SDC2: variants seen among roughly 807,000 people sequenced by gnomAD.
The protein encoded by SDC2 is syndecan 2, also known as syndecan-2.
In SDC2, 13 loss-of-function variants were observed where a neutral mutation model predicts 22.2. The ratio of observed to expected loss-of-function variants is 0.59; its 90% CI spans 0.38 to 0.93. The LOEUF is 0.93. Ranked by LOEUF, SDC2 falls within the 40% of genes least tolerant of loss-of-function variation. The pLI is 0.00. For missense variants in SDC2, 235 were observed against 246.8 expected, an observed-to-expected ratio of 0.95 and a Z score of 0.32; for synonymous variants, 94 against 92.8, an observed-to-expected ratio of 1.01 and a Z score of -0.07.
intron 1 of SDC2, among the ~76,000 whole-genome samples, chr8:96,540,637 C>T (rs1813833554): frequency 6.6e-6 from 1 of 152,152 alleles, no homozygotes. Flanking sequence ...CTCCTTTCCC[C>T]CAACACTCCT....
chr8:96,524,541 GA>G (rs756356588), intron 1 of SDC2, among the ~76,000 whole-genome samples: 1 of 152,148 alleles, frequency 6.6e-6, no homozygotes. Context: ...TCAGAAGGGG[GA>G]GTTATGACTT....
At chr8:96,536,950 A>G (rs1813764229) in intron 1 of SDC2, among the ~76,000 whole-genome samples, 1 of 152,226 alleles carries the variant, frequency 6.6e-6, no homozygotes, top group Non-Finnish European at 1.5e-5. Context: ...GAGGAGTTTT[A>G]CATCTGAATC....
intron 1 of SDC2, among the ~76,000 whole-genome samples, chr8:96,521,402 C>T (rs1055324525): frequency 6.6e-6 from 1 of 152,128 alleles, no homozygotes; most frequent in Non-Finnish European, 1.5e-5. Flanking sequence ...AGGGAAAGCT[C>T]GGATCTAGGG....
intron 1 of SDC2, among the ~76,000 whole-genome samples, chr8:96,579,661 A>G (rs1003869004): frequency 1.3e-5 from 2 of 152,220 alleles, no homozygotes; most frequent in African/African-American, 4.8e-5. Flanking sequence ...GTTTTCCTCA[A>G]TCTTTAAGCT....
At chr8:96,601,499 G>T (rs975540399) in intron 2 of SDC2, among the ~76,000 whole-genome samples, 1 of 151,702 alleles carries the variant, frequency 6.6e-6, no homozygotes, top group African/African-American at 2.4e-5. Context: ...AAATTAGCTG[G>T]GTGTCGTAGC....
At chr8:96,511,016 TCAG>T (rs1032774823) in intron 1 of SDC2, among the ~76,000 whole-genome samples, 2 of 152,202 alleles carry the variant, frequency 1.3e-5, no homozygotes, top group Non-Finnish European at 2.9e-5. Context: ...TAGGGACTAA[TCAG>T]CAGCATCTAC....
At chr8:96,581,271 T>C (rs1304203309) in intron 1 of SDC2, among the ~76,000 whole-genome samples, 1 of 152,166 alleles carries the variant, frequency 6.6e-6, no homozygotes, top group Non-Finnish European at 1.5e-5. Context: ...GCATGTAATT[T>C]TATCATTTTG....
chr8:96,592,067 C>T (rs1443776469), intron 1 of SDC2, among the ~76,000 whole-genome samples: 1 of 152,216 alleles, frequency 6.6e-6, no homozygotes, highest in Non-Finnish European at 1.5e-5. Flanking sequence ...AGTTGCAGCA[C>T]ACTCTTGGCT....
chr8:96,602,002 C>A (rs1397937566), intron 2 of SDC2, among the ~76,000 whole-genome samples: 1 of 152,142 alleles, frequency 6.6e-6, no homozygotes, highest in Non-Finnish European at 1.5e-5. Context: ...TCGTGATCCG[C>A]TCTCCTCGGC....
At chr8:96,594,986 G>A (rs778844994) in intron 2 of SDC2, among the ~76,000 whole-genome samples, 1 of 152,098 alleles carries the variant, frequency 6.6e-6, no homozygotes, top group Non-Finnish European at 1.5e-5. Context: ...TGGGGATTAT[G>A]GGAACTACAA....
chr8:96,608,232 T>C, intron 3 of SDC2, 103 bp from the exon 4 acceptor site: 1 of 1,040,030 alleles, frequency 9.6e-7, no homozygotes, highest in Non-Finnish European at 1.4e-6. Context: ...CCTAAACTCA[T>C]TCTTTGGGGG....
chr8:96,592,721 G>T (rs1563674124), intron 1 of SDC2, among the ~76,000 whole-genome samples: 1 of 152,224 alleles, frequency 6.6e-6, no homozygotes, highest in Admixed American at 6.5e-5. Flanking sequence ...TATTAAGCGT[G>T]TGATTTGCTA....
intron 1 of SDC2, among the ~76,000 whole-genome samples, chr8:96,576,661 C>T (rs1427044670): frequency 3.3e-5 from 5 of 149,810 alleles, no homozygotes; most frequent in African/African-American, 7.4e-5. Flanking sequence ...CCTCGTGATC[C>T]GCCCGCCTCG....
At chr8:96,561,331 CT>C (rs774553320) in intron 1 of SDC2, among the ~76,000 whole-genome samples, 33 of 152,062 alleles carry the variant, frequency 2.2e-4, no homozygotes, top group Non-Finnish European at 7.4e-5. Context: ...TGTAAATACA[CT>C]ATACATAGAG....
chr8:96,504,875 C>T (rs767900468), intron 1 of SDC2, among the ~76,000 whole-genome samples: 1 of 151,270 alleles, frequency 6.6e-6, no homozygotes. Context: ...AGAGAGTCAG[C>T]GAAGGGAGAT....
At chr8:96,597,246 T>C (rs942468322) in intron 2 of SDC2, among the ~76,000 whole-genome samples, 1 of 152,224 alleles carries the variant, frequency 6.6e-6, no homozygotes, top group African/African-American at 2.4e-5. Flanking sequence ...CCCAGAACAC[T>C]GGCAGTCTGT....
At chr8:96,511,875 C>T (rs887001806) in intron 1 of SDC2, among the ~76,000 whole-genome samples, 1 of 151,162 alleles carries the variant, frequency 6.6e-6, no homozygotes, top group Non-Finnish European at 1.5e-5. Flanking sequence ...TCAGGTTTTA[C>T]AGAATTAGAG....
Position 96,514,714 on chromosome 8 carries a change from G to C in SDC2, c.60+20383G>C, listed in dbSNP as rs560199476. On this transcript the variant is annotated intron_variant, in intron 1 of 4. Transcript: ENST00000302190. Reference sequence around the variant, plus strand: ...TTCCATCTTGGATCATCAGGCATCAGACTCCTTTCACAAGGAGTGTGCAAA... The same window carrying C: ...TTCCATCTTGGATCATCAGGCATCACACTCCTTTCACAAGGAGTGTGCAAA... Among the ~76,000 whole-genome samples, 33 of 152,290 alleles carry C rather than the reference G, an allele frequency of 2.2e-4. 2 individuals carry two copies. The South Asian group carries it at 6.8e-3, about 32-fold the overall frequency.
At chr8:96,527,773 AC>A (rs1260077481) in intron 1 of SDC2, among the ~76,000 whole-genome samples, 1 of 152,228 alleles carries the variant, frequency 6.6e-6, no homozygotes, top group Non-Finnish European at 1.5e-5. Flanking sequence ...ATGTTAAGTT[AC>A]CAGAGAAAAT....
Sources: gnomAD v4.1 joint callset for allele counts (sites outside exome capture counted in the v4.1 genomes callset) on GRCh38, gnomAD v4.1.1 for gene constraint, MANE v1.5 for transcripts, NCBI Gene and HGNC (gene_info 2026-07-23, HGNC 2026-07-21) for gene names.